Variants in IMMP2L observed in about 807,000 individuals in gnomAD.
IMMP2L encodes the protein mitochondrial inner membrane protease subunit 2.
Under a neutral mutation model 19.3 loss-of-function variants are expected in IMMP2L, and 18 were observed. The observed-to-expected ratio is 0.93, with a 90% CI of 0.64 to 1.38. IMMP2L has a LOEUF of 1.38. IMMP2L is among the 40% of genes most tolerant of loss of function. IMMP2L has a pLI of 0.00. For missense variants in IMMP2L, 233 were observed against 218.2 expected, an observed-to-expected ratio of 1.07 and a Z score of -0.43; for synonymous variants, 76 against 73.0, an observed-to-expected ratio of 1.04 and a Z score of -0.21.
chr7:110,828,465 T>C (rs1013225344), intron 5 of IMMP2L, among the ~76,000 whole-genome samples: 1 of 152,168 alleles, frequency 6.6e-6, no homozygotes. Flanking sequence ...TTATGTCAAA[T>C]CAAGGATCTT....
intron 3 of IMMP2L, among the ~76,000 whole-genome samples, chr7:111,101,583 A>G (rs759938512): frequency 6.6e-6 from 1 of 151,536 alleles, no homozygotes; most frequent in Non-Finnish European, 1.5e-5. Flanking sequence ...TCGAATTAAT[A>G]CAGAATATAC....
intron 3 of IMMP2L, among the ~76,000 whole-genome samples, chr7:111,062,447 C>T (rs1794105639): frequency 6.6e-6 from 1 of 152,152 alleles, no homozygotes; most frequent in African/African-American, 2.4e-5. Flanking sequence ...GGACACAGAG[C>T]CAACTGTATT....
intron 5 of IMMP2L, among the ~76,000 whole-genome samples, chr7:110,828,985 G>C (rs902176201): frequency 6.6e-6 from 1 of 152,098 alleles, no homozygotes; most frequent in Non-Finnish European, 1.5e-5. Flanking sequence ...TAAAGTTATT[G>C]CTAATAACAA....
At chr7:111,098,879 C>T (rs955855786) in intron 3 of IMMP2L, among the ~76,000 whole-genome samples, 4 of 151,806 alleles carry the variant, frequency 2.6e-5, no homozygotes, top group East Asian at 1.9e-4. Context: ...TAGTTGATAT[C>T]GCCTTCCAAG....
At chr7:111,140,391 T>A (rs929467983) in intron 3 of IMMP2L, among the ~76,000 whole-genome samples, 1 of 152,180 alleles carries the variant, frequency 6.6e-6, no homozygotes, top group African/African-American at 2.4e-5. Context: ...GACAAGATCA[T>A]GTCTTCCTGA....
chr7:110,978,111 C>T (rs951477969), intron 3 of IMMP2L, among the ~76,000 whole-genome samples: 3 of 151,944 alleles, frequency 2.0e-5, no homozygotes, highest in Non-Finnish European at 4.4e-5. Flanking sequence ...AAAGAAAGCA[C>T]AATTTAAAAA....
At chr7:110,979,998 A>C (rs1170243765) in intron 3 of IMMP2L, among the ~76,000 whole-genome samples, 1 of 152,172 alleles carries the variant, frequency 6.6e-6, no homozygotes, top group Non-Finnish European at 1.5e-5. Flanking sequence ...CTGGATTCTA[A>C]CTAATCAAGT....
chr7:111,502,787 A>C (rs1305460259), intron 2 of IMMP2L, among the ~76,000 whole-genome samples: 1 of 151,424 alleles, frequency 6.6e-6, no homozygotes, highest in Non-Finnish European at 1.5e-5. Flanking sequence ...ACAAAGACAC[A>C]ACATACCAGA....
At chr7:110,823,377 C>A (rs1803203743) in intron 5 of IMMP2L, among the ~76,000 whole-genome samples, 4 of 151,956 alleles carry the variant, frequency 2.6e-5, no homozygotes, top group Admixed American at 2.6e-4. Flanking sequence ...CATTACTTGA[C>A]TCTTGACTCA....
At chr7:111,415,831 G>A (rs747160210) in intron 3 of IMMP2L, among the ~76,000 whole-genome samples, 9 of 151,458 alleles carry the variant, frequency 5.9e-5, no homozygotes, top group Middle Eastern at 3.4e-3. Flanking sequence ...TTTACAAATT[G>A]CTACCAAGTG....
chr7:111,167,650 G>C (rs549884299), intron 3 of IMMP2L, among the ~76,000 whole-genome samples: 1 of 151,768 alleles, frequency 6.6e-6, no homozygotes, highest in South Asian at 2.1e-4. Flanking sequence ...TATCTTCACC[G>C]GGATATAATA....
At chr7:110,696,632 G>C (rs1213504564) in intron 5 of IMMP2L, among the ~76,000 whole-genome samples, 1 of 151,910 alleles carries the variant, frequency 6.6e-6, no homozygotes, top group Non-Finnish European at 1.5e-5. Flanking sequence ...CACCATGTTG[G>C]CCAGGCTGGT....
At chr7:110,730,244 T>C (rs1796172220) in intron 5 of IMMP2L, among the ~76,000 whole-genome samples, 1 of 152,118 alleles carries the variant, frequency 6.6e-6, no homozygotes, top group Non-Finnish European at 1.5e-5. Flanking sequence ...ACCCTCAATC[T>C]GGGTGGGCAC....
chr7:111,512,590 C>T (rs1435307867), intron 2 of IMMP2L, among the ~76,000 whole-genome samples: 3 of 151,922 alleles, frequency 2.0e-5, no homozygotes, highest in African/African-American at 2.4e-5. Flanking sequence ...TGTCATTTTT[C>T]GCAGAAATAC....
chr7:111,466,803 T>C (rs914583372), intron 3 of IMMP2L, among the ~76,000 whole-genome samples: 4 of 152,294 alleles, frequency 2.6e-5, no homozygotes, highest in Admixed American at 6.5e-5. Flanking sequence ...CTCTTATTAT[T>C]CCCTAAAAAA....
At chr7:110,673,133 G>C (rs1450786948) in intron 5 of IMMP2L, among the ~76,000 whole-genome samples, 2 of 152,250 alleles carry the variant, frequency 1.3e-5, no homozygotes, top group African/African-American at 2.4e-5. Flanking sequence ...CTGAAGTCTA[G>C]ATGGAGGTTC....
chr7:111,349,405 G>GA (rs35006464), intron 3 of IMMP2L, among the ~76,000 whole-genome samples: 3 of 151,456 alleles, frequency 2.0e-5, no homozygotes, highest in Admixed American at 1.3e-4. Context: ...CCTCACTATG[G>GA]AAAAAAAAGT....
At chr7:111,354,891 C>G (rs560505822) in intron 3 of IMMP2L, among the ~76,000 whole-genome samples, 2 of 151,734 alleles carry the variant, frequency 1.3e-5, no homozygotes, top group Non-Finnish European at 2.9e-5. Flanking sequence ...AATGAAGATA[C>G]GCCATTCATT....
At chr7:111,108,884 C>A (rs1798852665) in intron 3 of IMMP2L, among the ~76,000 whole-genome samples, 1 of 152,106 alleles carries the variant, frequency 6.6e-6, no homozygotes, top group Non-Finnish European at 1.5e-5. Context: ...TTCATTCATT[C>A]ATTCAGTAGA....
Sources: allele counts gnomAD v4.1 joint callset (sites outside exome capture counted in the v4.1 genomes callset), GRCh38; gene constraint gnomAD v4.1.1; transcripts MANE v1.5; gene names NCBI Gene and HGNC (gene_info 2026-07-23, HGNC 2026-07-21).